Variants in KCNQ1 observed in about 807,000 individuals in gnomAD.
KCNQ1 encodes the protein potassium voltage-gated channel subfamily KQT member 1.
A neutral mutation model predicts 72.4 loss-of-function variants in KCNQ1; 49 were observed. The observed-to-expected ratio is 0.68, with a 90% CI of 0.54 to 0.86. The LOEUF (loss-of-function observed/expected upper bound fraction) is 0.86. Ranked by LOEUF, KCNQ1 falls within the 40% of genes least tolerant of loss-of-function variation. The probability of loss-of-function intolerance (pLI) is 0.00; values close to 1 mark genes in which losing one functional copy is unlikely to be tolerated. For missense variants in KCNQ1, 790 were observed against 945.1 expected (o/e 0.84, Z 2.15); for synonymous variants, 450 against 412.6 (o/e 1.09, Z -1.10).
In KCNQ1 at chr11:2,548,801, G is replaced by A. The variant is rs997819099; in HGVS notation, c.477+20783G>A. On this transcript the variant is annotated intron_variant, in intron 2 of 15. Coordinates refer to ENST00000155840, the MANE Select transcript of KCNQ1 (RefSeq NM_000218.3). Reference sequence around the variant, plus strand: ...GCTTAGGCTGTGCACAAATGCCCACGCACGTACACACACAGACACACAGCC... The same window carrying A: ...GCTTAGGCTGTGCACAAATGCCCACACACGTACACACACAGACACACAGCC... Among the ~76,000 whole-genome samples, 4 of 152,236 alleles carry A rather than the reference G, an allele frequency of 2.6e-5. No homozygotes were observed. The East Asian group carries it at 7.7e-4, about 29-fold the overall frequency.
chr11:2,829,906 G>A (rs1398967356), intron 15 of KCNQ1, among the ~76,000 whole-genome samples: 4 of 137,566 alleles, frequency 2.9e-5, no homozygotes, highest in African/African-American at 1.1e-4. Context: ...GATGGTGCCA[G>A]AGAATAGGGA....
At chr11:2,798,176 C>T (rs545629967) in intron 15 of KCNQ1, among the ~76,000 whole-genome samples, 60 of 152,362 alleles carry the variant, frequency 3.9e-4, no homozygotes, top group African/African-American at 1.4e-3. Flanking sequence ...TGCAAACCCA[C>T]ATGGCAGCCC....
Position 2,712,801 on chromosome 11 carries a change from C to A in KCNQ1, c.1514+50720C>A, listed in dbSNP as rs771805529. Among the ~76,000 whole-genome samples the A allele has an allele frequency of 6.6e-6, 1 of 152,184 alleles. No individual in the cohort carries two copies. Among genetic ancestry groups the A allele is most frequent in the Admixed American group, 6.5e-5 (1 of 15,292 alleles). Reference sequence around the variant, plus strand: ...TTTCTGCACGGGACTCCCTCACAGCCTCTGGGTTGGGAGCACACATGGCAT... The same window carrying A: ...TTTCTGCACGGGACTCCCTCACAGCATCTGGGTTGGGAGCACACATGGCAT... On this transcript the variant is annotated intron_variant, in intron 11 of 15. Coordinates refer to ENST00000155840, the MANE Select transcript of KCNQ1 (RefSeq NM_000218.3). The surrounding 1 kb of genome is among the most constrained non-coding windows in gnomAD (Gnocchi z 6.4).
intron 11 of KCNQ1, chr11:2,667,110 C>A (rs547811942): frequency 5.0e-6 from 2 of 398,646 alleles, no homozygotes; most frequent in African/African-American, 4.1e-5. Flanking sequence ...AAAACCGAGG[C>A]GTAATGGCTC....
At position 2,567,765 on chromosome 11, in the gene KCNQ1, C is replaced by T. The variant is rs1215251143; in HGVS notation, c.478-2863C>T. ...TTTTTAATCATTCCTACCACCTTGT[C>T]CCACAGGCAGGAGTCCTGCCATCTT... On this transcript the variant is annotated intron_variant, in intron 2 of 15. Transcript: ENST00000155840. This position sits in a 1 kb window ranked among gnomAD's most constrained non-coding sequence, Gnocchi z 6.6. Among the ~76,000 whole-genome samples the T allele has an allele frequency of 6.6e-6, 1 of 152,206 alleles. No individual in the cohort carries two copies. Among genetic ancestry groups the T allele is most frequent in the Non-Finnish European group, 1.5e-5 (1 of 68,042 alleles).
At chr11:2,590,828 C>G (rs1039367238) in intron 10 of KCNQ1, among the ~76,000 whole-genome samples, 3 of 152,162 alleles carry the variant, frequency 2.0e-5, no homozygotes, top group African/African-American at 7.2e-5. Context: ...CCCACTGTTC[C>G]GGACTCTGGG....
intron 1 of KCNQ1, among the ~76,000 whole-genome samples, chr11:2,527,601 C>T (rs1387599321): frequency 1.3e-5 from 2 of 152,268 alleles, no homozygotes; most frequent in Non-Finnish European, 2.9e-5. Flanking sequence ...CTTTCTGTTT[C>T]TGTGGCTCTG....
chr11:2,696,429 C>T, intron 11 of KCNQ1: 1 of 398,662 alleles, frequency 2.5e-6, no homozygotes, highest in Non-Finnish European at 4.4e-6. Flanking sequence ...TACCTCTGAG[C>T]TCTCTTCTGG....
chr11:2,628,496 A>C, intron 10 of KCNQ1: 1 of 398,364 alleles, frequency 2.5e-6, no homozygotes, highest in Non-Finnish European at 4.4e-6. Context: ...TGGGTTATTA[A>C]GTTTTTTTGC....
Position 2,668,628 on chromosome 11 carries a change from GTTTA to G in KCNQ1, c.1514+6553_1514+6556del. On this transcript the variant is annotated intron_variant, in intron 11 of 15. Coordinates refer to ENST00000155840, the MANE Select transcript of KCNQ1 (RefSeq NM_000218.3). This position sits in a 1 kb window ranked among gnomAD's most constrained non-coding sequence, Gnocchi z 4.3. ...TGCCTACATCTTCTGCCTGTTTTAT[GTTTA>G]TTTATGGTCCTATATATCTTTAGAT... 1 of 398,488 alleles carries G rather than the reference GTTTA, an allele frequency of 2.5e-6. No individual in the cohort carries two copies. Among genetic ancestry groups the G allele is most frequent in the Admixed American group, 4.4e-5 (1 of 22,732 alleles). 24.7% of individuals were successfully genotyped at this position (398,488 alleles called of 1,614,324 possible).
In KCNQ1 at chr11:2,572,935, G is replaced by A. The variant is rs1438599984; in HGVS notation, c.870G>A (p.Glu290=). ...VYLAEKDAVN[E]SGRVEFGSYA... ...TGGCTGAGAAGGACGCGGTGAACGA[G>A]TCAGGCCGCGTGGAGTTCGGCAGCT... Residue 290 remains glutamate, a synonymous_variant, in exon 6 of 16, where the codon GAG becomes GAA. Coordinates refer to ENST00000155840, the MANE Select transcript of KCNQ1 (RefSeq NM_000218.3). 2 of 1,613,708 alleles carry A rather than the reference G, an allele frequency of 1.2e-6. No homozygotes were observed. Among genetic ancestry groups the A allele is most frequent in the Non-Finnish European group, 1.7e-6 (2 of 1,180,030 alleles).
rs573050842 is a variant in KCNQ1 at position 2,677,833 on chromosome 11, A to G, written c.1514+15752A>G. The G allele has an allele frequency of 9.3e-5, 37 of 398,488 alleles. No homozygotes were observed. Among genetic ancestry groups the G allele is most frequent in the African/African-American group, 6.6e-4 (32 of 48,722 alleles). The allele number at this position is 398,488 out of a possible 1,614,324, so 24.7% of individuals were successfully genotyped here. A position where few individuals can be genotyped will look rare whatever the true frequency, so the allele number is the denominator to read the frequency against. ...ATTTATGTTGTGATAGATACTGCCAAATAAGGGCTGTACCATTTACATCAC... is the reference window on the plus strand; with the variant it reads ...ATTTATGTTGTGATAGATACTGCCAGATAAGGGCTGTACCATTTACATCAC... On this transcript the variant is annotated intron_variant, in intron 11 of 15. Transcript: ENST00000155840. The surrounding 1 kb of genome is among the most constrained non-coding windows in gnomAD (Gnocchi z 4.5).
chr11:2,658,568 C>T lies in KCNQ1; in HGVS notation c.1394-3393C>T. On this transcript the variant is annotated intron_variant, in intron 10 of 15. Transcript: ENST00000155840. This position sits in a 1 kb window ranked among gnomAD's most constrained non-coding sequence, Gnocchi z 4.9. ...TACCCTAGCCCTAGAATCATCCATT[C>T]ATCCAGAGAGCCCTGGCTCCCTGGA... 2.9e-6 allele frequency: 1 copy of T among 342,534 alleles called. No individual in the cohort carries two copies. Among genetic ancestry groups the T allele is most frequent in the Middle Eastern group, 6.8e-4 (1 of 1,472 alleles). 21.2% of individuals were successfully genotyped at this position (342,534 alleles called of 1,614,324 possible). A position where few individuals can be genotyped will look rare whatever the true frequency, so the allele number is the denominator to read the frequency against.
At chr11:2,521,535 T>C in intron 1 of KCNQ1, 1 of 470,926 alleles carries the variant, frequency 2.1e-6, no homozygotes, top group Non-Finnish European at 4.4e-6. Context: ...AACGCTCCAG[T>C]GGTTACACGC....
intron 3 of KCNQ1, among the ~76,000 whole-genome samples, chr11:2,571,114 C>G (rs745783103): frequency 6.6e-6 from 1 of 152,166 alleles, no homozygotes; most frequent in Non-Finnish European, 1.5e-5. Context: ...CAGCCTAGGC[C>G]GGGGGCTCCA....
rs1849594998 is a variant in KCNQ1 at position 2,642,494 on chromosome 11, G to GT, written c.1394-19466dup. ...ATCAGACTGAAGAGTTTTGATTTTTGTATTTCATGGTATGAGTTGTAATAT... is the reference window on the plus strand; with the variant it reads ...ATCAGACTGAAGAGTTTTGATTTTTGTTATTTCATGGTATGAGTTGTAATAT... On this transcript the variant is annotated intron_variant, in intron 10 of 15. Transcript: ENST00000155840. The surrounding 1 kb of genome is among the most constrained non-coding windows in gnomAD (Gnocchi z 4.3). 2.5e-6 allele frequency: 1 copy of GT among 397,874 alleles called. No homozygotes were observed. Among genetic ancestry groups the GT allele is most frequent in the Middle Eastern group, 6.3e-4 (1 of 1,580 alleles). 24.6% of individuals were successfully genotyped at this position (397,874 alleles called of 1,614,324 possible). A position where few individuals can be genotyped will look rare whatever the true frequency, so the allele number is the denominator to read the frequency against.
intron 15 of KCNQ1, among the ~76,000 whole-genome samples, chr11:2,786,882 T>A (rs1428247840): frequency 6.6e-6 from 1 of 152,024 alleles, no homozygotes; most frequent in Non-Finnish European, 1.5e-5. Context: ...AAAGTATTTC[T>A]GAGTTCACCT....
rs1020668538 is a variant in KCNQ1, at chr11:2,654,703, C to G, written c.1394-7258C>G. On this transcript the variant is annotated intron_variant, in intron 10 of 15. Transcript: ENST00000155840. This position sits in a 1 kb window ranked among gnomAD's most constrained non-coding sequence, Gnocchi z 6.4. ...GCTTTGAGCTTTGTCATAGGCTGGA[C>G]TTGGGGCTTGAATGCTGACCTAATC... 2.5e-6 allele frequency: 1 copy of G among 398,596 alleles called. No homozygotes were observed. The highest frequency in any genetic ancestry group is 2.1e-5 in the African/African-American group (1 of 48,586). The allele number at this position is 398,596 out of a possible 1,614,324, so 24.7% of individuals were successfully genotyped here.
rs1159526819 is a variant in KCNQ1 at position 2,809,857 on chromosome 11, C to CT, written c.1794+31826dup. Among the ~76,000 whole-genome samples, 8 of 151,874 alleles carry CT rather than the reference C, an allele frequency of 5.3e-5. No homozygotes were observed. Among genetic ancestry groups the CT allele is most frequent in the Admixed American group, 2.6e-4 (4 of 15,246 alleles). On this transcript the variant is annotated intron_variant, in intron 15 of 15. Coordinates refer to ENST00000155840, the MANE Select transcript of KCNQ1 (RefSeq NM_000218.3). This position sits in a 1 kb window ranked among gnomAD's most constrained non-coding sequence, Gnocchi z 7.1. Reference sequence around the variant, plus strand: ...TTCCTTGCATAATTCTGCAACTGACCTTTTTTCTGGCCATCCTAGATTGGG... The same window carrying CT: ...TTCCTTGCATAATTCTGCAACTGACCTTTTTTTCTGGCCATCCTAGATTGGG...
Sources: allele counts gnomAD v4.1 joint callset (sites outside exome capture counted in the v4.1 genomes callset), GRCh38; gene constraint gnomAD v4.1.1; non-coding constraint Gnocchi (gnomAD v3.1); transcripts MANE v1.5; gene names NCBI Gene and HGNC (gene_info 2026-07-23, HGNC 2026-07-21).